PRKDC: variants seen among roughly 807,000 people sequenced by gnomAD.
PRKDC encodes the protein DNA-dependent protein kinase catalytic subunit.
A neutral mutation model predicts 486.9 loss-of-function variants in PRKDC; 82 were observed. The observed-to-expected ratio is 0.17, with a 90% CI of 0.14 to 0.20. The LOEUF is 0.20. Among genes scored for constraint, PRKDC ranks in the 10% least tolerant of loss-of-function variants. The pLI, the probability that PRKDC is intolerant of heterozygous loss-of-function variation, is 1.00. For missense variants in PRKDC, 4,504 were observed against 5,038.2 expected, an observed-to-expected ratio of 0.89 and a Z score of 3.21; for synonymous variants, 1,895 against 1,837.0, an observed-to-expected ratio of 1.03 and a Z score of -0.81.
intron 40 of PRKDC, among the ~76,000 whole-genome samples, chr8:47,874,161 G>C (rs1345656593): frequency 6.6e-6 from 1 of 151,682 alleles, no homozygotes; most frequent in African/African-American, 2.4e-5. Context: ...TTGTTAGCCA[G>C]GATGGTCTCG....
At chr8:47,901,281 T>C (rs2089677849) in intron 27 of PRKDC, among the ~76,000 whole-genome samples, 1 of 152,014 alleles carries the variant, frequency 6.6e-6, no homozygotes, top group African/African-American at 2.4e-5. Context: ...CAAGACCAGC[T>C]TGACTAACAT....
At chr8:47,890,153 AATAATG>A in intron 32 of PRKDC, 98 bp downstream of exon 32, 1 of 452,504 alleles carries the variant, frequency 2.2e-6, no homozygotes, top group Non-Finnish European at 3.5e-6. Context: ...TAATAATAAT[AATAATG>A]ATAAATTTTT....
At position 47,935,145 on chromosome 8, in the gene PRKDC, T is replaced by G. The variant is rs8178024; in HGVS notation, c.1448-87A>C. The G allele has an allele frequency of 7.8e-3, 7,429 of 951,418 alleles. 322 individuals carry two copies. In the African/African-American group the frequency reaches 0.099, roughly 13 times the overall value. The allele number at this position is 951,418 out of a possible 1,614,324, so 58.9% of individuals were successfully genotyped here. A position where few individuals can be genotyped will look rare whatever the true frequency, so the allele number is the denominator to read the frequency against. On this transcript the variant is annotated intron_variant, in intron 13 of 85. Coordinates refer to ENST00000314191, the MANE Select transcript of PRKDC (RefSeq NM_006904.7). ...AAAAAAAAACAAACAGTCATTATATTTTGGAACCCAACTTTACCTCTCAAT... is the reference window on the plus strand; with the variant it reads ...AAAAAAAAACAAACAGTCATTATATGTTGGAACCCAACTTTACCTCTCAAT...
At chr8:47,794,068 T>C (rs1454777419) in intron 74 of PRKDC, among the ~76,000 whole-genome samples, 3 of 152,200 alleles carry the variant, frequency 2.0e-5, no homozygotes, top group Non-Finnish European at 4.4e-5. Context: ...ATGAGCAGAA[T>C]GTTTTGTTAG....
chr8:47,822,085 C>T (rs962338354), intron 64 of PRKDC, among the ~76,000 whole-genome samples: 3 of 152,146 alleles, frequency 2.0e-5, no homozygotes, highest in African/African-American at 7.2e-5. Context: ...GAGTTTGAGA[C>T]TAGCCTAGGC....
At chr8:47,828,136 T>C (rs1171350086) in intron 62 of PRKDC, 32 bp downstream of exon 62, 3 of 1,587,564 alleles carry the variant, frequency 1.9e-6, no homozygotes, top group Non-Finnish European at 2.6e-6. Context: ...CAGCAAACAA[T>C]GTATATTTGA....
At chr8:47,821,039 G>T in intron 65 of PRKDC, 96 bp from the exon 66 acceptor site, 1 of 758,330 alleles carries the variant, frequency 1.3e-6, no homozygotes, top group Non-Finnish European at 1.9e-6. Context: ...TACTTTCACA[G>T]GTCAAGATTT....
In PRKDC at chr8:47,823,738, G is replaced by A. The variant is rs2087660466; in HGVS notation, c.8922+120C>T. The A allele has an allele frequency of 1.2e-5, 14 of 1,196,686 alleles. 1 individual carries two copies. In the Admixed American group the frequency reaches 2.6e-4, roughly 22 times the overall value. The allele number at this position is 1,196,686 out of a possible 1,614,324, so 74.1% of individuals were successfully genotyped here. On this transcript the variant is annotated intron_variant, in intron 64 of 85. Transcript: ENST00000314191. ...ACCAATTTTCTTCCTCATCAACATT[G>A]TAACGAAAAGACATTGAACCAACAA...
chr8:47,845,688 A>C (rs1224934663), intron 54 of PRKDC, among the ~76,000 whole-genome samples: 2 of 96,542 alleles, frequency 2.1e-5, no homozygotes, highest in African/African-American at 6.2e-5. Context: ...CTTACCAAGC[A>C]AAAAAAAAAA....
At position 47,934,006 on chromosome 8, in the gene PRKDC, C is replaced by G. The variant is rs533171314; in HGVS notation, c.1582G>C (p.Val528Leu). 1 of 1,613,484 alleles carries G rather than the reference C, an allele frequency of 6.2e-7. No homozygotes were observed. Among genetic ancestry groups the G allele is most frequent in the Admixed American group, 1.7e-5 (1 of 60,016 alleles). ...KWKVPTYKDYVDLFRHLLSSD... is the reference protein window; with the variant it reads ...KWKVPTYKDYLDLFRHLLSSD... ...CTCAGGAGATGTCTGAAGAGATCCA[C>G]GTAGTCTTTGTATGTGGGCACCTTC... Residue 528 changes from valine (V) to leucine (L), a missense_variant, in exon 15 of 86, where the codon GTG becomes CTG. Around this residue, in one of 6 missense-constraint regions of PRKDC, gnomAD observed 1,969 missense variants for 2,068.9 expected, o/e 0.95. Coordinates refer to ENST00000314191, the MANE Select transcript of PRKDC (RefSeq NM_006904.7).
chr8:47,783,513 C>A (rs1223882593), intron 78 of PRKDC, among the ~76,000 whole-genome samples: 1 of 151,654 alleles, frequency 6.6e-6, no homozygotes, highest in Admixed American at 6.6e-5. Context: ...TCGTTTGAAC[C>A]CGGGAGGCAG....
At chr8:47,789,265 G>C (rs1423174799) in intron 74 of PRKDC, 27 bp from the exon 75 acceptor site, 1 of 1,414,432 alleles carries the variant, frequency 7.1e-7, no homozygotes, top group Non-Finnish European at 9.6e-7. Flanking sequence ...ACAAAGTTTA[G>C]GCAATCAAAT....
chr8:47,853,291 C>T (rs562907702), intron 51 of PRKDC, among the ~76,000 whole-genome samples: 13 of 152,336 alleles, frequency 8.5e-5, no homozygotes, highest in African/African-American at 2.6e-4. Flanking sequence ...TAAAAGGAGC[C>T]GAGTTCCCAC....
At position 47,888,618 on chromosome 8, in the gene PRKDC, C is replaced by A; in HGVS notation, c.4313G>T (p.Gly1438Val). Reference sequence around the variant, plus strand: ...GCTCCTGTCCACTTGCGCGTCAGGGCCATACAAGTTGACGGCACAAAGCTC... The same window carrying A: ...GCTCCTGTCCACTTGCGCGTCAGGGACATACAAGTTGACGGCACAAAGCTC... ...IEELCAVNLY[G>V]PDAQVDRSRL... Residue 1438 changes from glycine (G) to valine (V), a missense_variant, in exon 34 of 86, where the codon GGC (glycine) becomes GTC (valine). Around this residue, in one of 6 missense-constraint regions of PRKDC, gnomAD observed 1,969 missense variants for 2,068.9 expected, o/e 0.95. Coordinates refer to ENST00000314191, the MANE Select transcript of PRKDC (RefSeq NM_006904.7). 1 of 1,594,144 alleles carries A rather than the reference C, an allele frequency of 6.3e-7. No individual in the cohort carries two copies. Among genetic ancestry groups the A allele is most frequent in the Non-Finnish European group, 8.5e-7 (1 of 1,170,322 alleles).
In PRKDC at chr8:47,824,499, A is replaced by G. The variant is rs2087686428; in HGVS notation, c.8784-503T>C. On this transcript the variant is annotated intron_variant, in intron 63 of 85. Coordinates refer to ENST00000314191, the MANE Select transcript of PRKDC (RefSeq NM_006904.7). ...AAAAAAAAAAAAAAAAAAAAGGTGG[A>G]ATCTGAAAATATCAAAGGTTCACAG... Among the ~76,000 whole-genome samples the G allele has an allele frequency of 2.0e-5, 3 of 148,792 alleles. No homozygotes were observed. In the South Asian group the frequency reaches 6.6e-4, roughly 33 times the overall value.
rs1236641149 is a variant in PRKDC at position 47,929,152 on chromosome 8, G to A, written c.2079C>T (p.His693=). The A allele has an allele frequency of 1.9e-6, 3 of 1,578,678 alleles. No homozygotes were observed. In the Admixed American group the frequency reaches 5.4e-5, roughly 29 times the overall value. ...FEGVSPKSLK[H]SPEDPEKYSC... ...AATACTTTTCTGGGTCTTCAGGAGA[G>A]TGTTTCAGACTCTTTGGACTAACTC... The change falls in exon 19 of 86, where the codon CAC becomes CAT. Residue 693 remains histidine (H), a synonymous_variant. Coordinates refer to ENST00000314191, the MANE Select transcript of PRKDC (RefSeq NM_006904.7).
intron 28 of PRKDC, among the ~76,000 whole-genome samples, chr8:47,899,810 C>G (rs2089647529): frequency 6.6e-6 from 1 of 152,198 alleles, no homozygotes; most frequent in Admixed American, 6.5e-5. Context: ...CTCAACAACT[C>G]TATGTAGTTC....
intron 4 of PRKDC, 54 bp from the exon 5 acceptor site, chr8:47,954,500 C>A (rs1248307197): frequency 1.5e-6 from 1 of 672,722 alleles, no homozygotes; most frequent in Non-Finnish European, 2.3e-6. Context: ...AGAAAAAAAA[C>A]ACAATACAAA....
rs1219200874 is a variant in PRKDC at position 47,852,598 on chromosome 8, CAT to C, written c.7005+73_7005+74del. On this transcript the variant is annotated intron_variant, in intron 52 of 85. Transcript: ENST00000314191. Reference sequence around the variant, plus strand: ...TTTCTAATACCATACAAGAAATAAACATATAAGTATCAAGGGTCATAACAAAT... The same window carrying C: ...TTTCTAATACCATACAAGAAATAAACATAAGTATCAAGGGTCATAACAAAT... The C allele has an allele frequency of 7.7e-5, 67 of 870,550 alleles. No individual in the cohort carries two copies. The African/African-American group carries it at 1.0e-3, about 14-fold the overall frequency. 53.9% of individuals were successfully genotyped at this position (870,550 alleles called of 1,614,324 possible).
Sources: allele counts gnomAD v4.1 joint callset (sites outside exome capture counted in the v4.1 genomes callset), GRCh38; gene constraint gnomAD v4.1.1; regional missense constraint gnomAD v4.1.1; transcripts MANE v1.5; gene names NCBI Gene and HGNC (gene_info 2026-07-23, HGNC 2026-07-21).